CHKB: variants seen among roughly 807,000 people sequenced by gnomAD.
CHKB encodes choline/ethanolamine kinase.
Under a neutral mutation model 57.3 loss-of-function variants are expected in CHKB, and 45 were observed. The ratio of observed to expected loss-of-function variants is 0.79; its 90% CI spans 0.62 to 1.01. CHKB has a LOEUF of 1.01. CHKB is among the 50% of genes least tolerant of loss of function. The pLI is 0.00. For missense variants in CHKB, 517 were observed against 502.8 expected (o/e 1.03, Z -0.27); for synonymous variants, 224 against 201.8 (o/e 1.11, Z -0.93).
At position 50,580,238 on chromosome 22, in the gene CHKB, G is replaced by A. The variant is rs1413704339; in HGVS notation, c.770C>T (p.Ala257Val). 1 of 1,613,886 alleles carries A rather than the reference G, an allele frequency of 6.2e-7. No homozygotes were observed. Among genetic ancestry groups the A allele is most frequent in the African/African-American group, 1.3e-5 (1 of 74,932 alleles). The part of the protein sequence containing the change: ...NILLLSEPEN[A>V]DSLMLVDFEY... ...GAAGTCCACCAGCATGAGGCTGTCAGCATTTTCTGGCTCTGAGAGCAGCAA... is the reference window on the plus strand; with the variant it reads ...GAAGTCCACCAGCATGAGGCTGTCAACATTTTCTGGCTCTGAGAGCAGCAA... Residue 257 changes from alanine to valine, a missense_variant, in exon 7 of 11, where the codon GCT (alanine) becomes GTT (valine). Physicochemically the swap from Ala to Val is moderately conservative, Grantham distance 64. Coordinates refer to ENST00000406938, the MANE Select transcript of CHKB (RefSeq NM_005198.5).
At chr22:50,579,581 G>A in intron 9 of CHKB, 74 bp from the exon 10 acceptor site, 1 of 1,559,232 alleles carries the variant, frequency 6.4e-7, no homozygotes, top group Non-Finnish European at 8.8e-7. Context: ...CACCCAGGTT[G>A]GCCAATCCCT....
In CHKB at chr22:50,580,419, A is replaced by G. The variant is rs769300409; in HGVS notation, c.678-3T>C. The G allele has an allele frequency of 4.3e-6, 7 of 1,613,924 alleles. No individual in the cohort carries two copies. The highest frequency in any genetic ancestry group is 1.7e-5 in the Admixed American group (1 of 60,008). On this transcript the variant is annotated splice_polypyrimidine_tract_variant and splice_region_variant and intron_variant, in intron 5 of 10. Transcript: ENST00000406938. ...ATGGGGTAGACTCTAGTAACTTCCTACAGGGGTATGGGAGCATGGGTCCTG... is the reference window on the plus strand; with the variant it reads ...ATGGGGTAGACTCTAGTAACTTCCTGCAGGGGTATGGGAGCATGGGTCCTG...
Position 50,579,194 on chromosome 22 carries a change from T to C in CHKB, c.1175A>G (p.His392Arg). Reference sequence around the variant, plus strand: ...GGGAGGGTGGAGTCAGGATGAGGAGTGGACACTGGTCAGCTGCCCCTTCTG... The same window carrying C: ...GGGAGGGTGGAGTCAGGATGAGGAGCGGACACTGGTCAGCTGCCCCTTCTG... ...FQQKGQLTSVHSSS is the reference protein window; with the variant it reads ...FQQKGQLTSVRSSS Residue 392 changes from histidine to arginine, a missense_variant, in exon 11 of 11, where the codon CAC becomes CGC. His to Arg is a conservative substitution (Grantham distance 29). Coordinates refer to ENST00000406938, the MANE Select transcript of CHKB (RefSeq NM_005198.5). 1 of 1,612,772 alleles carries C rather than the reference T, an allele frequency of 6.2e-7. No individual in the cohort carries two copies. The highest frequency in any genetic ancestry group is 8.5e-7 in the Non-Finnish European group (1 of 1,179,586).
At position 50,580,072 on chromosome 22, in the gene CHKB, T is replaced by A; in HGVS notation, c.829A>T (p.Ile277Phe). 1 of 1,613,928 alleles carries A rather than the reference T, an allele frequency of 6.2e-7. No individual in the cohort carries two copies. Among genetic ancestry groups the A allele is most frequent in the South Asian group, 1.1e-5 (1 of 91,082 alleles). Residue 277 changes from isoleucine to phenylalanine, a missense_variant, in exon 8 of 11, where the codon ATT becomes TTT. Ile to Phe is a conservative substitution (Grantham distance 21, BLOSUM62 0). Transcript: ENST00000406938. ...YSSYNYRGFD[I>F]GNHFCEWVYD... is the part of the protein sequence containing the mutation. ...ACCCACTCACAAAAATGGTTCCCAA[T>A]GTCAAAGCCCCTGGGAGAATAAGGT...
At chr22:50,580,522 G>A (rs373451619) in intron 5 of CHKB, 43 bp downstream of exon 5, 4 of 1,611,768 alleles carry the variant, frequency 2.5e-6, no homozygotes, top group Non-Finnish European at 8.5e-7. Flanking sequence ...ACTACTGGAA[G>A]GGCGGACACC....
At chr22:50,580,770 G>C (rs74347670) in intron 4 of CHKB, 110 bp from the exon 5 acceptor site, 1 of 941,522 alleles carries the variant, frequency 1.1e-6, no homozygotes. Context: ...TGTGTGACTT[G>C]TCCGGCAATC....
rs745852927 is a variant in CHKB at position 50,582,824 on chromosome 22, C to G, written c.-43G>C. On this transcript the variant is annotated 5_prime_UTR_variant, in exon 1 of 11. Coordinates refer to ENST00000406938, the MANE Select transcript of CHKB (RefSeq NM_005198.5). ...GCCCCAGGCCAGGCTGCGCTCCGCT[C>G]CCTTCGGACGGGCTCGGTTCCTTCC... 2.0e-6 allele frequency: 3 copies of G among 1,515,986 alleles called. No homozygotes were observed. Among genetic ancestry groups the G allele is most frequent in the Admixed American group, 2.0e-5 (1 of 49,738 alleles). 93.9% of individuals were successfully genotyped at this position (1,515,986 alleles called of 1,614,324 possible).
At position 50,582,793 on chromosome 22, in the gene CHKB, G is replaced by A. The variant is rs775122642; in HGVS notation, c.-12C>T. 6 of 1,554,172 alleles carry A rather than the reference G, an allele frequency of 3.9e-6. No homozygotes were observed. The highest frequency in any genetic ancestry group is 5.2e-6 in the Non-Finnish European group (6 of 1,151,814). ...GCCTCGGCCGCCATGGCGCGGGCTCGACCGGGCCCCAGGCCAGGCTGCGCT... is the reference window on the plus strand; with the variant it reads ...GCCTCGGCCGCCATGGCGCGGGCTCAACCGGGCCCCAGGCCAGGCTGCGCT... On this transcript the variant is annotated 5_prime_UTR_variant, in exon 1 of 11. Transcript: ENST00000406938.
At chr22:50,582,166 G>T in intron 2 of CHKB, 83 bp downstream of exon 2, 1 of 1,279,264 alleles carries the variant, frequency 7.8e-7, no homozygotes, top group Non-Finnish European at 1.1e-6. Context: ...GTCCTCAACT[G>T]CGCAACGGGA....
chr22:50,581,584 GGGGCTGGGGCAGGAGTGGGAA>G (rs757967618), intron 3 of CHKB, 31 bp from the exon 4 acceptor site: 3 of 1,613,698 alleles, frequency 1.9e-6, no homozygotes, highest in African/African-American at 2.7e-5. Context: ...GGGTGGTGAT[GGGGCTGGGGCAGGAGTGGGAA>G]GGGCTGGGGC....
chr22:50,581,742 C>T lies in CHKB; in HGVS notation c.447+7G>A. 4.3e-6 allele frequency: 7 copies of T among 1,612,844 alleles called. No homozygotes were observed. The highest frequency in any genetic ancestry group is 5.9e-6 in the Non-Finnish European group (7 of 1,179,020). ...TTGGGGAGGAGAGGGTAGGACTGGG[C>T]CCGTACTGGGATGTACTGTTCCAGC... On this transcript the variant is annotated splice_region_variant and intron_variant, in intron 3 of 10. Transcript: ENST00000406938.
Position 50,582,590 on chromosome 22 carries a change from C to T in CHKB, c.192G>A (p.Val64=), listed in dbSNP as rs868783642. 6.2e-7 allele frequency: 1 copy of T among 1,610,460 alleles called. No individual in the cohort carries two copies. The highest frequency in any genetic ancestry group is 1.7e-5 in the Admixed American group (1 of 59,912). ...REYLGGAWRR[V]QPEELRVYPV... The stretch of plus-strand genomic sequence containing the variant: ...GGTAAACCCTCAGCTCCTCGGGCTG[C>T]ACTCGGCGCCAGGCCCCGCCCAAGT... Residue 64 remains valine (V), a synonymous_variant, in exon 1 of 11, where the codon GTG becomes GTA. Coordinates refer to ENST00000406938, the MANE Select transcript of CHKB (RefSeq NM_005198.5).
chr22:50,580,691 C>A, intron 4 of CHKB, 31 bp from the exon 5 acceptor site: 2 of 1,601,950 alleles, frequency 1.2e-6, no homozygotes, highest in Non-Finnish European at 1.7e-6. Context: ...TACACTGGCT[C>A]TGCTATTCTT....
chr22:50,580,843 G>C, intron 4 of CHKB, 183 bp from the exon 5 acceptor site: 1 of 614,212 alleles, frequency 1.6e-6, no homozygotes, highest in Non-Finnish European at 2.9e-6. Flanking sequence ...GCAGTGGCGC[G>C]ATCTTGGCTC....
At position 50,579,818 on chromosome 22, in the gene CHKB, GA is replaced by G. The variant is rs772568756; in HGVS notation, c.939del (p.Arg314ValfsTer27). 4 of 1,613,574 alleles carry G rather than the reference GA, an allele frequency of 2.5e-6. No homozygotes were observed. In the Admixed American group the frequency reaches 6.7e-5, roughly 27 times the overall value. ...YPTQEQQLHF[I>X]RHYLAEAKKG... ...TTCTTTGCCTCTGCCAGGTAATGAC[GA>G]ATAAAATGCAACTACGATCAATGGC... On this transcript the variant is annotated frameshift_variant, in exon 9 of 11. Coordinates refer to ENST00000406938, the MANE Select transcript of CHKB (RefSeq NM_005198.5). LOFTEE classifies it high-confidence loss of function.
At position 50,581,600 on chromosome 22, in the gene CHKB, T is replaced by C. The variant is rs374563842; in HGVS notation, c.448-47A>G. 2.4e-5 allele frequency: 38 copies of C among 1,607,202 alleles called. No homozygotes were observed. In the African/African-American group the frequency reaches 3.7e-4, roughly 16 times the overall value. On this transcript the variant is annotated intron_variant, in intron 3 of 10. Transcript: ENST00000406938. ...GGTGGTGATGGGGCTGGGGCAGGAG[T>C]GGGAAGGGCTGGGGCAATGAGGGGA...
At position 50,582,719 on chromosome 22, in the gene CHKB, G is replaced by A. The variant is rs763705112; in HGVS notation, c.63C>T (p.Asp21=). 17 of 1,606,836 alleles carry A rather than the reference G, an allele frequency of 1.1e-5. No homozygotes were observed. Among genetic ancestry groups the A allele is most frequent in the Non-Finnish European group, 1.4e-5 (16 of 1,177,816 alleles). The part of the protein sequence containing the change: ...SGAVGGCLAK[D]GLQQSKCPDT... ...CCGGGCACTTAGACTGCTGCAAGCC[G>A]TCTTTGGCCAGGCAGCCGCCAACAG... Residue 21 remains aspartate (D), a synonymous_variant, in exon 1 of 11, where the codon GAC becomes GAT. Coordinates refer to ENST00000406938, the MANE Select transcript of CHKB (RefSeq NM_005198.5).
intron 8 of CHKB, 62 bp from the exon 9 acceptor site, chr22:50,579,892 C>G: frequency 1.3e-6 from 2 of 1,597,922 alleles, no homozygotes; most frequent in Non-Finnish European, 1.7e-6. Context: ...CAGGTAACAT[C>G]CTTTCCGGCC....
rs963611942 is a variant in CHKB, at chr22:50,580,609, G to A, written c.633C>T (p.Asn211=). 8 of 1,613,960 alleles carry A rather than the reference G, an allele frequency of 5.0e-6. No homozygotes were observed. Among genetic ancestry groups the A allele is most frequent in the African/African-American group, 1.3e-5 (1 of 74,894 alleles). Residue 211 remains asparagine (N), a synonymous_variant, in exon 5 of 11, where the codon AAC becomes AAT. Coordinates refer to ENST00000406938, the MANE Select transcript of CHKB (RefSeq NM_005198.5). ...CCTTCAGGCTGTACATCTCCAGCAGGTTCATCTCAGGGAGGCCAGTTGGGG... is the reference window on the plus strand; with the variant it reads ...CCTTCAGGCTGTACATCTCCAGCAGATTCATCTCAGGGAGGCCAGTTGGGG... The part of the protein sequence containing the change: ...DLPPTGLPEM[N]LLEMYSLKDE...
Sources: gnomAD v4.1 joint callset for allele counts on GRCh38, gnomAD v4.1.1 for gene constraint, MANE v1.5 for transcripts, NCBI Gene and HGNC (gene_info 2026-07-23, HGNC 2026-07-21) for gene names.